The following CKS2 variants were observed in gnomAD, a reference collection of about 807,000 sequenced individuals.
CKS2 encodes the protein CDC28 protein kinase regulatory subunit 2.
Under a neutral mutation model 14.3 loss-of-function variants are expected in CKS2, and 4 were observed. The observed-to-expected ratio is 0.28, with a 90% CI of 0.14 to 0.64. CKS2 has a LOEUF of 0.64. CKS2 is among the 30% of genes least tolerant of loss of function. The pLI is 0.83. For missense variants in CKS2, 71 were observed against 94.3 expected, an observed-to-expected ratio of 0.75 and a Z score of 1.02; for synonymous variants, 33 against 28.7, an observed-to-expected ratio of 1.15 and a Z score of -0.48.
At chr9:89,311,380 G>T (rs748415585) in intron 1 of CKS2, 29 bp downstream of exon 1, 1 of 1,583,320 alleles carries the variant, frequency 6.3e-7, no homozygotes, top group Admixed American at 1.8e-5. Context: ...CCCCGAGCCG[G>T]CTCCCTCAGC....
chr9:89,314,190 C>T (rs186633998), intron 1 of CKS2, among the ~76,000 whole-genome samples: 1 of 152,272 alleles, frequency 6.6e-6, no homozygotes, highest in Admixed American at 6.5e-5. Flanking sequence ...AAACATGGAG[C>T]TGAGAATTGT....
rs543121113 is a variant in CKS2, at chr9:89,312,937, A to G, written c.59+1586A>G. On this transcript the variant is annotated intron_variant, in intron 1 of 2. Coordinates refer to ENST00000314355, the MANE Select transcript of CKS2 (RefSeq NM_001827.3). ...TATAATATTGAAAATAAATGAAGCT[A>G]TTTCTCAGACTTCTTTCTGATGGCA... 3.3e-5 allele frequency among the ~76,000 whole-genome samples: 5 copies of G among 152,324 alleles called. No homozygotes were observed. The South Asian group carries it at 6.2e-4, about 19-fold the overall frequency.
intron 1 of CKS2, among the ~76,000 whole-genome samples, chr9:89,314,680 G>C (rs1277812982): frequency 1.3e-5 from 2 of 152,102 alleles, no homozygotes; most frequent in African/African-American, 4.8e-5. Flanking sequence ...GACTAGGCTG[G>C]GTCCTTACCT....
At position 89,311,239 on chromosome 9, in the gene CKS2, C is replaced by T. The variant is rs992251709; in HGVS notation, c.-54C>T. ...TTGCCTGGGCTGGACGTGGTTTTGT[C>T]TGCTGCGCCCGCTCTTCGCGCTCTC... On this transcript the variant is annotated 5_prime_UTR_variant, in exon 1 of 3. Transcript: ENST00000314355. 2.0e-5 allele frequency: 30 copies of T among 1,517,638 alleles called. No individual in the cohort carries two copies. In the African/African-American group the frequency reaches 2.5e-4, roughly 13 times the overall value. The allele number at this position is 1,517,638 out of a possible 1,614,324, so 94.0% of individuals were successfully genotyped here.
rs549319222 is a variant in CKS2, at chr9:89,311,873, A to C, written c.59+522A>C. Among the ~76,000 whole-genome samples, 43 of 152,204 alleles carry C rather than the reference A, an allele frequency of 2.8e-4. 1 individual carries two copies. The South Asian group carries it at 8.7e-3, about 31-fold the overall frequency. On this transcript the variant is annotated intron_variant, in intron 1 of 2. Transcript: ENST00000314355. The stretch of plus-strand genomic sequence containing the variant: ...ACTAGTTTGTGGTTTAGAATGGTCA[A>C]ATGGTCATTTTCATCTGTTAACACA...
chr9:89,313,880 G>A (rs1161114106), intron 1 of CKS2, among the ~76,000 whole-genome samples: 1 of 152,224 alleles, frequency 6.6e-6, no homozygotes, highest in Non-Finnish European at 1.5e-5. Flanking sequence ...ACAAATTATG[G>A]TAGTAAGCTA....
In CKS2 at chr9:89,316,660, G is replaced by C. The variant is rs1824724378; in HGVS notation, c.*235G>C. The C allele has an allele frequency of 2.6e-6, 1 of 387,742 alleles. No homozygotes were observed. The highest frequency in any genetic ancestry group is 4.6e-6 in the Non-Finnish European group (1 of 215,942). The allele number at this position is 387,742 out of a possible 1,614,324, so 24.0% of individuals were successfully genotyped here. ...TCTTAAGTGCCTGTTTGAGTTTACT[G>C]AAACAGTTTACTTTTGTTCAATAAA... On this transcript the variant is annotated 3_prime_UTR_variant, in exon 3 of 3. Coordinates refer to ENST00000314355, the MANE Select transcript of CKS2 (RefSeq NM_001827.3).
rs141662758 is a variant in CKS2 at position 89,311,319 on chromosome 9, G to C, written c.27G>C (p.Ser9=). 456 of 1,610,820 alleles carry C rather than the reference G, an allele frequency of 2.8e-4. 2 individuals carry two copies. Among genetic ancestry groups the C allele is most frequent in the South Asian group, 5.3e-4 (48 of 90,726 alleles). Residue 9 remains serine (S), a synonymous_variant, in exon 1 of 3, where the codon TCG becomes TCC. Coordinates refer to ENST00000314355, the MANE Select transcript of CKS2 (RefSeq NM_001827.3). The part of the protein sequence containing the change: MAHKQIYY[S]DKYFDEHYEY... ...TGGCCCACAAGCAGATCTACTACTC[G>C]GACAAGTACTTCGACGAACACTACG...
At chr9:89,312,904 T>C (rs1824645820) in intron 1 of CKS2, among the ~76,000 whole-genome samples, 1 of 152,242 alleles carries the variant, frequency 6.6e-6, no homozygotes, top group African/African-American at 2.4e-5. Context: ...TACAAGTTTC[T>C]TTTAGGGTAT....
chr9:89,311,457 GCGGAGCC>G (rs1824606617), intron 1 of CKS2, 106 bp downstream of exon 1: 1 of 774,598 alleles, frequency 1.3e-6, no homozygotes. Context: ...GGCCTGGGGG[GCGGAGCC>G]CGGGGCCGGA....
At chr9:89,314,857 C>T (rs1331340373) in intron 1 of CKS2, among the ~76,000 whole-genome samples, 1 of 152,174 alleles carries the variant, frequency 6.6e-6, no homozygotes, top group African/African-American at 2.4e-5. Context: ...TTTCTTATAT[C>T]TTGTTGGCTT....
chr9:89,311,512 G>T (rs1269247706), intron 1 of CKS2, among the ~76,000 whole-genome samples, 161 bp downstream of exon 1: 2 of 152,180 alleles, frequency 1.3e-5, no homozygotes, highest in Admixed American at 1.3e-4. Context: ...GCCACCTGGC[G>T]CCCCGCGCAG....
chr9:89,315,074 C>A, intron 1 of CKS2, 96 bp from the exon 2 acceptor site: 2 of 1,082,852 alleles, frequency 1.8e-6, no homozygotes, highest in Admixed American at 2.6e-5. Context: ...GATTGCAGTT[C>A]TCAATATTAA....
At position 89,311,241 on chromosome 9, in the gene CKS2, G is replaced by A; in HGVS notation, c.-52G>A. 1.3e-6 allele frequency: 2 copies of A among 1,530,032 alleles called. No individual in the cohort carries two copies. The highest frequency in any genetic ancestry group is 1.8e-6 in the Non-Finnish European group (2 of 1,109,800). The allele number at this position is 1,530,032 out of a possible 1,614,324, so 94.8% of individuals were successfully genotyped here. ...GCCTGGGCTGGACGTGGTTTTGTCT[G>A]CTGCGCCCGCTCTTCGCGCTCTCGT... On this transcript the variant is annotated 5_prime_UTR_variant, in exon 1 of 3. Coordinates refer to ENST00000314355, the MANE Select transcript of CKS2 (RefSeq NM_001827.3).
chr9:89,312,388 T>A (rs2131462280), intron 1 of CKS2: 1 of 154,490 alleles, frequency 6.5e-6, no homozygotes, highest in Admixed American at 6.5e-5. Context: ...AGGTAGCGAC[T>A]AGAACGCTGC....
At chr9:89,312,129 A>G (rs558918011) in intron 1 of CKS2, 2 of 154,008 alleles carry the variant, frequency 1.3e-5, no homozygotes, top group Admixed American at 1.3e-4. Context: ...TTCTGCTAGT[A>G]TACACTGGCC....
chr9:89,315,091 A>T, intron 1 of CKS2, 79 bp from the exon 2 acceptor site: 1 of 1,242,628 alleles, frequency 8.0e-7, no homozygotes, highest in Non-Finnish European at 1.1e-6. Context: ...TTAAAGCAAC[A>T]GAGTTCCTTA....
At chr9:89,313,481 T>G (rs1435715782) in intron 1 of CKS2, among the ~76,000 whole-genome samples, 1 of 152,262 alleles carries the variant, frequency 6.6e-6, no homozygotes, top group Non-Finnish European at 1.5e-5. Flanking sequence ...ACGTTAGATT[T>G]TGGAAATAAT....
In CKS2 at chr9:89,311,222, GC is replaced by G; in HGVS notation, c.-70del. 1 of 1,304,112 alleles carries G rather than the reference GC, an allele frequency of 7.7e-7. No individual in the cohort carries two copies. Among genetic ancestry groups the G allele is most frequent in the South Asian group, 1.2e-5 (1 of 81,812 alleles). The allele number at this position is 1,304,112 out of a possible 1,614,324, so 80.8% of individuals were successfully genotyped here. On this transcript the variant is annotated 5_prime_UTR_variant, in exon 1 of 3. Coordinates refer to ENST00000314355, the MANE Select transcript of CKS2 (RefSeq NM_001827.3). ...TAGTCTCCGGCGAGTTGTTGCCTGG[GC>G]TGGACGTGGTTTTGTCTGCTGCGCC...
Sources: allele counts gnomAD v4.1 joint callset (sites outside exome capture counted in the v4.1 genomes callset), GRCh38; gene constraint gnomAD v4.1.1; transcripts MANE v1.5; gene names NCBI Gene and HGNC (gene_info 2026-07-23, HGNC 2026-07-21).